The following RBMS1 variants were observed in gnomAD, a reference collection of about 807,000 sequenced individuals.
RBMS1 encodes RNA-binding motif, single-stranded-interacting protein 1.
A neutral mutation model predicts 62.3 loss-of-function variants in RBMS1; 17 were observed. The observed-to-expected ratio is 0.27, with a 90% CI of 0.19 to 0.41. The LOEUF (loss-of-function observed/expected upper bound fraction) is 0.41. RBMS1 is among the 10% of genes least tolerant of loss of function. The probability of loss-of-function intolerance (pLI) is 1.00; values close to 1 mark genes in which losing one functional copy is unlikely to be tolerated. For missense variants in RBMS1, 334 were observed against 504.5 expected (o/e 0.66, Z 3.24); for synonymous variants, 172 against 170.0 (o/e 1.01, Z -0.09).
intron 2 of RBMS1, among the ~76,000 whole-genome samples, chr2:160,331,422 A>C (rs1416464497): frequency 5.9e-5 from 9 of 152,124 alleles, no homozygotes; most frequent in Admixed American, 5.2e-4. Flanking sequence ...TGCCCATGGC[A>C]TCCTGTCCAC....
At chr2:160,339,208 G>A (rs1469023697) in intron 2 of RBMS1, among the ~76,000 whole-genome samples, 3 of 152,142 alleles carry the variant, frequency 2.0e-5, no homozygotes, top group African/African-American at 2.4e-5. Context: ...TAACGAGAGA[G>A]TTACATTTTC....
intron 1 of RBMS1, among the ~76,000 whole-genome samples, chr2:160,448,194 A>T (rs1037027616): frequency 1.3e-5 from 2 of 152,098 alleles, no homozygotes; most frequent in Admixed American, 6.5e-5. Flanking sequence ...TTAGTCTAAT[A>T]ATTTTTTTAG....
At chr2:160,470,634 G>T (rs79096915) in intron 1 of RBMS1, among the ~76,000 whole-genome samples, 1 of 151,510 alleles carries the variant, frequency 6.6e-6, no homozygotes, top group Admixed American at 6.6e-5. Flanking sequence ...CAGAAATTAG[G>T]TCTATTTCTC....
At chr2:160,459,022 C>T (rs554660019) in intron 1 of RBMS1, among the ~76,000 whole-genome samples, 2 of 152,300 alleles carry the variant, frequency 1.3e-5, no homozygotes, top group South Asian at 4.1e-4. Flanking sequence ...TTAGTTCAGG[C>T]AGCACCTTGA....
chr2:160,438,734 C>T (rs1380357102), intron 1 of RBMS1, among the ~76,000 whole-genome samples: 1 of 152,260 alleles, frequency 6.6e-6, no homozygotes, highest in Non-Finnish European at 1.5e-5. Context: ...TTCCACAAAA[C>T]CGCCATTGTC....
At chr2:160,473,404 G>T (rs1685001489) in intron 1 of RBMS1, among the ~76,000 whole-genome samples, 1 of 152,150 alleles carries the variant, frequency 6.6e-6, no homozygotes, top group African/African-American at 2.4e-5. Flanking sequence ...GAGAGATTTT[G>T]TTAATTTCAT....
intron 1 of RBMS1, among the ~76,000 whole-genome samples, chr2:160,416,588 GCC>G (rs1159867667): frequency 5.3e-5 from 8 of 152,186 alleles, no homozygotes; most frequent in African/African-American, 1.9e-4. Context: ...CTTACCACCT[GCC>G]CCTGCCCCGC....
At chr2:160,407,414 G>C in intron 1 of RBMS1, 1 of 985,906 alleles carries the variant, frequency 1.0e-6, no homozygotes, top group Non-Finnish European at 1.2e-6. Flanking sequence ...GGCCCCCTTT[G>C]TAACGCGGGG....
intron 6 of RBMS1, among the ~76,000 whole-genome samples, chr2:160,293,644 AAC>A (rs975920823): frequency 2.0e-5 from 3 of 152,136 alleles, no homozygotes; most frequent in African/African-American, 7.2e-5. Context: ...TGCAGCACTG[AAC>A]ACACAGTTAG....
rs562189855 is a variant in RBMS1, at chr2:160,278,558, C to T, written c.1052G>A (p.Ser351Asn). Reference protein sequence around the residue: ...AQQMSHLSLGSTGTYMPATSA... With the variant: ...AQQMSHLSLGNTGTYMPATSA... ...TTATTTGCCACCTACTGTTCCGGTGCTGCCTAGTGACAGATGACTCATCTG... is the reference window on the plus strand; with the variant it reads ...TTATTTGCCACCTACTGTTCCGGTGTTGCCTAGTGACAGATGACTCATCTG... Residue 351 changes from serine to asparagine, a missense_variant, in exon 11 of 14, where the codon AGC becomes AAC. Coordinates refer to ENST00000348849, the MANE Select transcript of RBMS1 (RefSeq NM_016836.4). The T allele has an allele frequency of 1.8e-5, 29 of 1,612,236 alleles. No individual in the cohort carries two copies. The South Asian group carries it at 3.0e-4, about 16-fold the overall frequency.
chr2:160,413,827 C>A (rs1696116245), intron 1 of RBMS1, among the ~76,000 whole-genome samples: 1 of 152,178 alleles, frequency 6.6e-6, no homozygotes, highest in Non-Finnish European at 1.5e-5. Context: ...TCCCATTTTA[C>A]CAAAGAGAAA....
At chr2:160,375,079 C>G (rs2105175481) in intron 1 of RBMS1, among the ~76,000 whole-genome samples, 1 of 152,272 alleles carries the variant, frequency 6.6e-6, no homozygotes, top group Middle Eastern at 3.4e-3. Flanking sequence ...TGGATGATTT[C>G]TAAGCTTCCT....
At chr2:160,478,452 T>C (rs1685232242) in intron 1 of RBMS1, among the ~76,000 whole-genome samples, 1 of 152,232 alleles carries the variant, frequency 6.6e-6, no homozygotes, top group African/African-American at 2.4e-5. Context: ...TCAAAAGACT[T>C]AGGAAATTGC....
intron 1 of RBMS1, among the ~76,000 whole-genome samples, chr2:160,368,846 A>C (rs1449298290): frequency 6.6e-6 from 1 of 151,854 alleles, no homozygotes; most frequent in Non-Finnish European, 1.5e-5. Flanking sequence ...CACCATGTTG[A>C]CCTGGCTGGT....
chr2:160,439,644 G>C (rs568040982), intron 1 of RBMS1, among the ~76,000 whole-genome samples: 2 of 151,746 alleles, frequency 1.3e-5, no homozygotes, highest in African/African-American at 2.4e-5. Flanking sequence ...CTCACTTCCC[G>C]GACGGGGTGG....
chr2:160,299,699 C>T lies in RBMS1; in HGVS notation c.640+952G>A, dbSNP rs533979308. 9.2e-5 allele frequency among the ~76,000 whole-genome samples: 14 copies of T among 151,896 alleles called. No individual in the cohort carries two copies. The South Asian group carries it at 2.9e-3, about 32-fold the overall frequency. On this transcript the variant is annotated intron_variant, in intron 6 of 13. Coordinates refer to ENST00000348849, the MANE Select transcript of RBMS1 (RefSeq NM_016836.4). The stretch of plus-strand genomic sequence containing the variant: ...TGTAGGTCCCCTTGCTGGGAGAGAG[C>T]AGGAAGCTGACGGAGCTTCTAGCTG...
chr2:160,398,349 G>C (rs1048149182), intron 1 of RBMS1, among the ~76,000 whole-genome samples: 6 of 152,130 alleles, frequency 3.9e-5, no homozygotes, highest in Non-Finnish European at 5.9e-5. Flanking sequence ...ATATTACCAA[G>C]AATGAAATTT....
At chr2:160,355,672 G>A (rs1692758129) in intron 2 of RBMS1, among the ~76,000 whole-genome samples, 1 of 152,012 alleles carries the variant, frequency 6.6e-6, no homozygotes, top group African/African-American at 2.4e-5. Flanking sequence ...AGACAGGGCA[G>A]GTAGGCAAGC....
intron 1 of RBMS1, among the ~76,000 whole-genome samples, chr2:160,416,835 T>C (rs1171418371): frequency 1.3e-5 from 2 of 152,198 alleles, no homozygotes; most frequent in Non-Finnish European, 2.9e-5. Flanking sequence ...CATCTATTCA[T>C]ATTTAGCCAT....
Sources: allele counts gnomAD v4.1 joint callset (sites outside exome capture counted in the v4.1 genomes callset), GRCh38; gene constraint gnomAD v4.1.1; transcripts MANE v1.5; gene names NCBI Gene and HGNC (gene_info 2026-07-23, HGNC 2026-07-21).